KCNG2: variants seen among roughly 807,000 people sequenced by gnomAD.
The protein encoded by KCNG2 is voltage-gated potassium channel regulatory subunit KCNG2.
A neutral mutation model predicts 12.3 loss-of-function variants in KCNG2; 7 were observed. That is an observed-to-expected ratio of 0.57 (90% CI 0.32 to 1.07). KCNG2 has a LOEUF of 1.07. Among genes scored for constraint, KCNG2 ranks in the 50% least tolerant of loss-of-function variants. The pLI is 0.04. For synonymous variants in KCNG2, 414 were observed against 351.4 expected (o/e 1.18, Z -1.99); for missense variants, 703 against 726.0 (o/e 0.97, Z 0.36).
At chr18:79,895,376 CATA>C (rs945828403) in intron 3 of KCNG2, among the ~76,000 whole-genome samples, 10 of 150,782 alleles carry the variant, frequency 6.6e-5, no homozygotes, top group African/African-American at 2.2e-4. Context: ...TCACTCCATT[CATA>C]ATGATTGATA....
chr18:79,864,308 G>T lies in KCNG2; in HGVS notation c.624+17G>T. The T allele has an allele frequency of 1.3e-6, 2 of 1,510,724 alleles. No individual in the cohort carries two copies. The highest frequency in any genetic ancestry group is 1.8e-6 in the Non-Finnish European group (2 of 1,135,226). The allele number at this position is 1,510,724 out of a possible 1,614,324, so 93.6% of individuals were successfully genotyped here. On this transcript the variant is annotated intron_variant, in intron 3 of 3. Coordinates refer to ENST00000316249, the MANE Select transcript of KCNG2 (RefSeq NM_012283.2). ...GAGGAGCGGGTGAGCGCGGCCGGGG[G>T]TGGCGGGGACCGGGCCGGAGCTGGG...
At chr18:79,815,164 C>G (rs1457984367) in intron 1 of KCNG2, among the ~76,000 whole-genome samples, 1 of 152,138 alleles carries the variant, frequency 6.6e-6, no homozygotes, top group African/African-American at 2.4e-5. Flanking sequence ...TATATCCAGG[C>G]ACAGTGGCTC....
chr18:79,894,437 G>A (rs372300717), intron 3 of KCNG2, among the ~76,000 whole-genome samples: 59 of 1,920 alleles, frequency 0.031, no homozygotes, highest in African/African-American at 0.054. Flanking sequence ...ATATAGTCGG[G>A]TCTGTGTCTG....
rs543193720 is a variant in KCNG2, at chr18:79,800,754, C to A, written c.-115+2740C>A. ...GTTGCAGTCGGCCTGGCGTGTCCTGCGGGCACCCGCAGGCTCTGCTCACCC... is the reference window on the plus strand; with the variant it reads ...GTTGCAGTCGGCCTGGCGTGTCCTGAGGGCACCCGCAGGCTCTGCTCACCC... On this transcript the variant is annotated intron_variant, in intron 1 of 3. Coordinates refer to ENST00000316249, the MANE Select transcript of KCNG2 (RefSeq NM_012283.2). The surrounding 1 kb of genome is among the most constrained non-coding windows in gnomAD (Gnocchi z 4.0). Among the ~76,000 whole-genome samples, 1 of 152,332 alleles carries A rather than the reference C, an allele frequency of 6.6e-6. No homozygotes were observed. The highest frequency in any genetic ancestry group is 2.4e-5 in the African/African-American group (1 of 41,574).
At chr18:79,874,796 G>C (rs1980002680) in intron 3 of KCNG2, among the ~76,000 whole-genome samples, 1 of 152,190 alleles carries the variant, frequency 6.6e-6, no homozygotes, top group Non-Finnish European at 1.5e-5. Context: ...GGGGCACCGG[G>C]TCCCTTTCCA....
chr18:79,813,649 G>A (rs2087508349), intron 1 of KCNG2, among the ~76,000 whole-genome samples: 2 of 152,150 alleles, frequency 1.3e-5, no homozygotes, highest in African/African-American at 2.4e-5. Context: ...AAAACCATAA[G>A]AGTTCTAGAA....
chr18:79,848,872 C>T (rs1191412039), intron 1 of KCNG2, among the ~76,000 whole-genome samples: 3 of 152,198 alleles, frequency 2.0e-5, no homozygotes, highest in African/African-American at 7.2e-5. Context: ...GGCAGGTGGC[C>T]TCAGCCCTCT....
At chr18:79,813,685 CAG>C (rs1262776422) in intron 1 of KCNG2, among the ~76,000 whole-genome samples, 2 of 152,170 alleles carry the variant, frequency 1.3e-5, no homozygotes, top group African/African-American at 4.8e-5. Flanking sequence ...CACTGGGACA[CAG>C]GGGTAGGCAA....
At position 79,899,675 on chromosome 18, in the gene KCNG2, G is replaced by C. The variant is rs541001173; in HGVS notation, c.1260G>C (p.Gln420His). ...ACTCCGAGCTCAAGGAGCAGCAGCAGCGCGCGGCCAGCCCCGAGCCGGCCC... is the reference window on the plus strand; with the variant it reads ...ACTCCGAGCTCAAGGAGCAGCAGCACCGCGCGGCCAGCCCCGAGCCGGCCC... Reference protein sequence around the residue: ...RSYSELKEQQQRAASPEPALQ... With the variant: ...RSYSELKEQQHRAASPEPALQ... Residue 420 changes from glutamine (Q) to histidine (H), a missense_variant, in exon 4 of 4, where the codon CAG becomes CAC. Coordinates refer to ENST00000316249, the MANE Select transcript of KCNG2 (RefSeq NM_012283.2). 5.0e-6 allele frequency: 8 copies of C among 1,608,312 alleles called. No individual in the cohort carries two copies. The South Asian group carries it at 8.9e-5, about 18-fold the overall frequency.
At chr18:79,804,557 G>C (rs750145923) in intron 1 of KCNG2, among the ~76,000 whole-genome samples, 1 of 152,244 alleles carries the variant, frequency 6.6e-6, no homozygotes, top group Admixed American at 6.5e-5. Flanking sequence ...CCCAGCCCCA[G>C]AGCTGCTGAC....
At position 79,812,848 on chromosome 18, in the gene KCNG2, G is replaced by A. The variant is rs932945261; in HGVS notation, c.-115+14834G>A. ...TGTAGTCCAGTCTGGGTGATAGAGC[G>A]AGACTCTGTCTCAAAAATAAGTAAA... On this transcript the variant is annotated intron_variant, in intron 1 of 3. Coordinates refer to ENST00000316249, the MANE Select transcript of KCNG2 (RefSeq NM_012283.2). Among the ~76,000 whole-genome samples the A allele has an allele frequency of 1.5e-4, 23 of 152,172 alleles. 1 individual carries two copies. The East Asian group carries it at 3.9e-3, about 26-fold the overall frequency.
chr18:79,814,641 G>A (rs537508662), intron 1 of KCNG2, among the ~76,000 whole-genome samples: 6 of 152,224 alleles, frequency 3.9e-5, no homozygotes, highest in Non-Finnish European at 8.8e-5. Context: ...CAATCCTGGC[G>A]GTGAGATTGT....
chr18:79,804,858 T>TA (rs904809533), intron 1 of KCNG2, among the ~76,000 whole-genome samples: 4 of 152,252 alleles, frequency 2.6e-5, no homozygotes, highest in African/African-American at 9.6e-5. Flanking sequence ...AAATTACTTT[T>TA]AAAAAATCTT....
At chr18:79,809,994 A>G (rs2087482523) in intron 1 of KCNG2, among the ~76,000 whole-genome samples, 1 of 152,208 alleles carries the variant, frequency 6.6e-6, no homozygotes, top group Non-Finnish European at 1.5e-5. Context: ...TTCTGGTCTC[A>G]GCGCCGTCCA....
intron 3 of KCNG2, among the ~76,000 whole-genome samples, chr18:79,878,602 G>T (rs1051297043): frequency 1.3e-5 from 2 of 152,230 alleles, no homozygotes; most frequent in African/African-American, 2.4e-5. Flanking sequence ...AATTTATTCA[G>T]CCTGCTCTCC....
rs575350842 is a variant in KCNG2 at position 79,803,556 on chromosome 18, G to A, written c.-115+5542G>A. ...TGGGTGTGCAGTGCTGGGGACCGAC[G>A]AGGGGGCCTGTGATTCTGGGGGCTC... is the stretch of plus-strand genomic sequence containing the variant. On this transcript the variant is annotated intron_variant, in intron 1 of 3. Coordinates refer to ENST00000316249, the MANE Select transcript of KCNG2 (RefSeq NM_012283.2). This position sits in a 1 kb window ranked among gnomAD's most constrained non-coding sequence, Gnocchi z 4.5. 8.5e-5 allele frequency among the ~76,000 whole-genome samples: 13 copies of A among 152,330 alleles called. No homozygotes were observed. In the East Asian group the frequency reaches 1.5e-3, roughly 18 times the overall value.
chr18:79,804,041 C>T (rs1347038122), intron 1 of KCNG2, among the ~76,000 whole-genome samples: 1 of 152,204 alleles, frequency 6.6e-6, no homozygotes, highest in Non-Finnish European at 1.5e-5. Context: ...TGCTGCATGG[C>T]ACTGAATGCC....
intron 1 of KCNG2, among the ~76,000 whole-genome samples, chr18:79,812,956 G>A (rs779722967): frequency 1.3e-5 from 2 of 152,164 alleles, no homozygotes; most frequent in African/African-American, 2.4e-5. Context: ...AGGAGTTTGA[G>A]ACCAGCCTGG....
Position 79,841,021 on chromosome 18 carries a change from C to T in KCNG2, c.-114-15358C>T, listed in dbSNP as rs1442083975. Among the ~76,000 whole-genome samples, 2 of 152,166 alleles carry T rather than the reference C, an allele frequency of 1.3e-5. 1 individual carries two copies. The highest frequency in any genetic ancestry group is 3.8e-4 in the East Asian group (2 of 5,200). On this transcript the variant is annotated intron_variant, in intron 1 of 3. Transcript: ENST00000316249. ...TGGTGGCTGATGCCAGTAATTCCAG[C>T]ACTTCTGGAGGTTGAGGCGGGTAGG... is the stretch of plus-strand genomic sequence containing the variant.
Sources: gnomAD v4.1 joint callset for allele counts (sites outside exome capture counted in the v4.1 genomes callset) on GRCh38, gnomAD v4.1.1 for gene constraint, Gnocchi (gnomAD v3.1) non-coding constraint, MANE v1.5 for transcripts, NCBI Gene and HGNC (gene_info 2026-07-23, HGNC 2026-07-21) for gene names.